Variants in CDA observed in about 807,000 individuals in gnomAD.
CDA encodes the protein cytidine aminohydrolase.
Under a neutral mutation model 15.0 loss-of-function variants are expected in CDA, and 7 were observed. That is an observed-to-expected ratio of 0.47 (90% CI 0.26 to 0.87). The LOEUF is 0.87. Among genes scored for constraint, CDA ranks in the 40% least tolerant of loss-of-function variants. CDA has a pLI of 0.15. For synonymous variants in CDA, 58 were observed against 73.0 expected (o/e 0.79, Z 1.05); for missense variants, 159 against 182.7 (o/e 0.87, Z 0.75).
chr1:20,614,180 T>G (rs1570387406), intron 3 of CDA, among the ~76,000 whole-genome samples: 1 of 152,070 alleles, frequency 6.6e-6, no homozygotes, highest in East Asian at 1.9e-4. Flanking sequence ...GGCCCTGCCC[T>G]CACAGAGCTC....
intron 1 of CDA, 21 bp downstream of exon 1, chr1:20,589,304 G>A (rs2101171177): frequency 1.2e-6 from 2 of 1,611,900 alleles, no homozygotes; most frequent in East Asian, 2.2e-5. Context: ...GCACCCCAGG[G>A]TCCCCCAGCC....
intron 2 of CDA, among the ~76,000 whole-genome samples, chr1:20,608,167 T>A (rs1475093620): frequency 1.3e-5 from 2 of 152,112 alleles, no homozygotes; most frequent in African/African-American, 4.8e-5. Context: ...CAGTCTTGAG[T>A]GCTCTCTCTT....
At chr1:20,590,727 C>T (rs917502677) in intron 1 of CDA, among the ~76,000 whole-genome samples, 7 of 152,200 alleles carry the variant, frequency 4.6e-5, no homozygotes, top group Non-Finnish European at 8.8e-5. Context: ...TTGACTTTCT[C>T]GTGCTGTGAC....
chr1:20,605,349 G>A (rs991761290), intron 2 of CDA, among the ~76,000 whole-genome samples: 1 of 152,066 alleles, frequency 6.6e-6, no homozygotes, highest in Non-Finnish European at 1.5e-5. Context: ...CAGAAAGGCA[G>A]CATTGAAACA....
intron 1 of CDA, among the ~76,000 whole-genome samples, chr1:20,589,652 A>G (rs971745158): frequency 3.3e-5 from 5 of 152,082 alleles, no homozygotes; most frequent in African/African-American, 9.7e-5. Flanking sequence ...CACTAAGTCC[A>G]CACCTCCTGC....
At chr1:20,597,304 G>C (rs2052600144) in intron 1 of CDA, among the ~76,000 whole-genome samples, 2 of 152,276 alleles carry the variant, frequency 1.3e-5, no homozygotes, top group South Asian at 4.1e-4. Flanking sequence ...AAAAAAATTA[G>C]CCGGGTGTGG....
intron 1 of CDA, among the ~76,000 whole-genome samples, chr1:20,594,805 A>G (rs1337674316): frequency 6.6e-6 from 1 of 151,030 alleles, no homozygotes; most frequent in Non-Finnish European, 1.5e-5. Flanking sequence ...AAAAAAAAGA[A>G]AGAAAGATAA....
chr1:20,595,842 CAA>C (rs1195136238), intron 1 of CDA, among the ~76,000 whole-genome samples: 190 of 73,048 alleles, frequency 2.6e-3, no homozygotes, highest in African/African-American at 9.7e-3. Context: ...AAGACTCTCT[CAA>C]AAAAAAAAAA....
At chr1:20,612,059 C>T (rs537413341) in intron 2 of CDA, among the ~76,000 whole-genome samples, 3 of 152,178 alleles carry the variant, frequency 2.0e-5, no homozygotes, top group African/African-American at 4.8e-5. Flanking sequence ...GATGCAGTTT[C>T]GCCATGTTGG....
chr1:20,605,675 T>A (rs2052689849), intron 2 of CDA, among the ~76,000 whole-genome samples: 1 of 115,368 alleles, frequency 8.7e-6, no homozygotes, highest in African/African-American at 3.1e-5. Context: ...AAAAAAAAAT[T>A]TTTTTTTGCT....
intron 2 of CDA, among the ~76,000 whole-genome samples, chr1:20,605,672 A>T (rs1228542354): frequency 9.2e-6 from 1 of 108,216 alleles, no homozygotes; most frequent in Non-Finnish European, 2.0e-5. Context: ...AAAAAAAAAA[A>T]ATTTTTTTTT....
At chr1:20,602,494 G>T (rs1162752861) in intron 1 of CDA, among the ~76,000 whole-genome samples, 1 of 152,024 alleles carries the variant, frequency 6.6e-6, no homozygotes, top group Non-Finnish European at 1.5e-5. Flanking sequence ...CATGATCTCG[G>T]CTCACTGCAA....
intron 1 of CDA, among the ~76,000 whole-genome samples, chr1:20,599,446 A>T (rs1048077514): frequency 6.6e-5 from 10 of 151,480 alleles, no homozygotes; most frequent in African/African-American, 2.4e-4. Flanking sequence ...GTGAAACCCC[A>T]TCTCTACCAA....
intron 3 of CDA, 23 bp from the exon 4 acceptor site, chr1:20,618,429 C>T (rs61781970): frequency 0.32 from 455,021 of 1,441,500 alleles, 73,008 homozygotes; most frequent in African/African-American, 0.38. Context: ...GTGTCTCTCA[C>T]GCCAGCTTTG....
chr1:20,616,931 C>T (rs370902837), intron 3 of CDA, among the ~76,000 whole-genome samples: 1 of 152,172 alleles, frequency 6.6e-6, no homozygotes, highest in African/African-American at 2.4e-5. Flanking sequence ...GGCTGCAGAC[C>T]TGAGCAGTCA....
intron 1 of CDA, among the ~76,000 whole-genome samples, chr1:20,599,993 A>T (rs1354492687): frequency 3.3e-5 from 5 of 152,230 alleles, no homozygotes; most frequent in Admixed American, 3.3e-4. Context: ...AAAGAGTCCC[A>T]GGGCAGAATG....
chr1:20,598,709 C>G (rs2052610803), intron 1 of CDA, among the ~76,000 whole-genome samples: 1 of 152,212 alleles, frequency 6.6e-6, no homozygotes, highest in Non-Finnish European at 1.5e-5. Flanking sequence ...CTAATCCCAT[C>G]ATGGGGGCTG....
At chr1:20,617,444 T>C (rs1470351526) in intron 3 of CDA, among the ~76,000 whole-genome samples, 1 of 152,162 alleles carries the variant, frequency 6.6e-6, no homozygotes, top group African/African-American at 2.4e-5. Context: ...AATTCCCACA[T>C]GTCATGGGAG....
At chr1:20,597,580 T>C (rs891956154) in intron 1 of CDA, among the ~76,000 whole-genome samples, 16 of 152,384 alleles carry the variant, frequency 1.0e-4, no homozygotes, top group African/African-American at 3.4e-4. Flanking sequence ...AAGGATTAAC[T>C]GACCTTATGC....
Sources: gnomAD v4.1 joint callset for allele counts (sites outside exome capture counted in the v4.1 genomes callset) on GRCh38, gnomAD v4.1.1 for gene constraint, MANE v1.5 for transcripts, NCBI Gene and HGNC (gene_info 2026-07-23, HGNC 2026-07-21) for gene names.